Variants in MRPS16 observed in about 807,000 individuals in gnomAD.
The protein encoded by MRPS16 is small ribosomal subunit protein bS16m.
Under a neutral mutation model 11.0 loss-of-function variants are expected in MRPS16, and 5 were observed. The observed-to-expected ratio is 0.46, with a 90% CI of 0.24 to 0.96. The LOEUF (loss-of-function observed/expected upper bound fraction) is 0.96. Ranked by LOEUF, MRPS16 falls within the 40% of genes least tolerant of loss-of-function variation. The pLI is 0.20. For synonymous variants in MRPS16, 76 were observed against 65.0 expected, an observed-to-expected ratio of 1.17 and a Z score of -0.81; for missense variants, 179 against 174.4, an observed-to-expected ratio of 1.03 and a Z score of -0.15.
Position 73,250,710 on chromosome 10 carries a change from G to T in MRPS16, c.*142C>A. 9.0e-7 allele frequency: 1 copy of T among 1,110,396 alleles called. No homozygotes were observed. The highest frequency in any genetic ancestry group is 1.4e-6 in the Non-Finnish European group (1 of 739,362). The allele number at this position is 1,110,396 out of a possible 1,614,324, so 68.8% of individuals were successfully genotyped here. ...AAGAACAAATCTCTCCCTGGGCCCT[G>T]TGCAGGCCAGGCCAGAAGAGCAAGG... is the stretch of plus-strand genomic sequence containing the variant. On this transcript the variant is annotated 3_prime_UTR_variant, in exon 3 of 3. Coordinates refer to ENST00000372945, the MANE Select transcript of MRPS16 (RefSeq NM_016065.4).
At chr10:73,252,152 G>T in intron 1 of MRPS16, 129 bp from the exon 2 acceptor site, 1 of 1,390,986 alleles carries the variant, frequency 7.2e-7, no homozygotes, top group Non-Finnish European at 9.9e-7. Flanking sequence ...CAGTTTAGAT[G>T]CTACTCTTCT....
rs777576361 is a variant in MRPS16, at chr10:73,250,805, G to A, written c.*47C>T. ...TTAAGATCGCTGCAGTGTTTCAAAAGGACCTTGACCTTGTTCCCACTGCTA... is the reference window on the plus strand; with the variant it reads ...TTAAGATCGCTGCAGTGTTTCAAAAAGACCTTGACCTTGTTCCCACTGCTA... On this transcript the variant is annotated 3_prime_UTR_variant, in exon 3 of 3. Transcript: ENST00000372945. The A allele has an allele frequency of 1.2e-6, 2 of 1,608,198 alleles. No homozygotes were observed. The highest frequency in any genetic ancestry group is 2.7e-5 in the African/African-American group (2 of 74,808).
intron 2 of MRPS16, among the ~76,000 whole-genome samples, chr10:73,251,554 T>C (rs1051194736): frequency 2.0e-5 from 3 of 150,124 alleles, no homozygotes; most frequent in Non-Finnish European, 4.4e-5. Flanking sequence ...TTTTTTTTTT[T>C]ATTTTTAGTA....
chr10:73,252,342 T>C lies in MRPS16; in HGVS notation c.13+128A>G, dbSNP rs1008457501. On this transcript the variant is annotated intron_variant, in intron 1 of 2. Coordinates refer to ENST00000372945, the MANE Select transcript of MRPS16 (RefSeq NM_016065.4). ...GGAAAAAACTGAGAGAAGGATCAAA[T>C]GTAAGGCAGTGTGGCTGCTTCAGGT... 1.4e-5 allele frequency: 19 copies of C among 1,352,408 alleles called. No homozygotes were observed. The Admixed American group carries it at 3.4e-4, about 24-fold the overall frequency. 83.8% of individuals were successfully genotyped at this position (1,352,408 alleles called of 1,614,324 possible).
At chr10:73,251,440 A>C (rs965073125) in intron 2 of MRPS16, among the ~76,000 whole-genome samples, 5 of 151,602 alleles carry the variant, frequency 3.3e-5, no homozygotes, top group African/African-American at 1.2e-4. Flanking sequence ...CAGTGACGCG[A>C]TCTTGGCTCA....
In MRPS16 at chr10:73,252,184, G is replaced by A. The variant is rs2271907; in HGVS notation, c.14-161C>T. 27 of 1,211,268 alleles carry A rather than the reference G, an allele frequency of 2.2e-5. No individual in the cohort carries two copies. In the African/African-American group the frequency reaches 3.6e-4, roughly 16 times the overall value. 75.0% of individuals were successfully genotyped at this position (1,211,268 alleles called of 1,614,324 possible). A position where few individuals can be genotyped will look rare whatever the true frequency, so the allele number is the denominator to read the frequency against. ...TTCTTTGTGAAACCCCTCTTGGCCA[G>A]TCCAGCCAGCAATGACCTCCTCCTC... On this transcript the variant is annotated intron_variant, in intron 1 of 2. Coordinates refer to ENST00000372945, the MANE Select transcript of MRPS16 (RefSeq NM_016065.4).
chr10:73,250,652 T>G lies in MRPS16; in HGVS notation c.*200A>C. ...ATCCCAAGACAAAGTCGAAAAAAGC[T>G]AATTAGTACCCACACCCAGCTCTAA... On this transcript the variant is annotated 3_prime_UTR_variant, in exon 3 of 3. Coordinates refer to ENST00000372945, the MANE Select transcript of MRPS16 (RefSeq NM_016065.4). 1 of 662,566 alleles carries G rather than the reference T, an allele frequency of 1.5e-6. No homozygotes were observed. The highest frequency in any genetic ancestry group is 2.6e-6 in the Non-Finnish European group (1 of 390,006). The allele number at this position is 662,566 out of a possible 1,614,324, so 41.0% of individuals were successfully genotyped here. A position where few individuals can be genotyped will look rare whatever the true frequency, so the allele number is the denominator to read the frequency against.
Position 73,249,413 on chromosome 10 carries a change from TGGCATCAA to T in MRPS16, c.*1431_*1438del. ...ACTATAAAGATCCCTTATAGATTAC[TGGCATCAA>T]GGTAGGAAGGAAAAGATACAAGAAG... On this transcript the variant is annotated 3_prime_UTR_variant, in exon 3 of 3. Transcript: ENST00000372945. The T allele has an allele frequency of 3.2e-6, 4 of 1,246,196 alleles. No individual in the cohort carries two copies. The highest frequency in any genetic ancestry group is 2.2e-6 in the Non-Finnish European group (2 of 889,796). 77.2% of individuals were successfully genotyped at this position (1,246,196 alleles called of 1,614,324 possible). A position where few individuals can be genotyped will look rare whatever the true frequency, so the allele number is the denominator to read the frequency against.
chr10:73,249,206 C>A lies in MRPS16; in HGVS notation c.*1646G>T. ...GTGCTGAGATTACAGGTGTGAGCCA[C>A]TGCCCCAATGGTATCTTTATATTAT... On this transcript the variant is annotated 3_prime_UTR_variant, in exon 3 of 3. Transcript: ENST00000372945. 7.2e-7 allele frequency: 1 copy of A among 1,387,284 alleles called. No homozygotes were observed. The highest frequency in any genetic ancestry group is 1.0e-6 in the Non-Finnish European group (1 of 1,003,232). 85.9% of individuals were successfully genotyped at this position (1,387,284 alleles called of 1,614,324 possible). A position where few individuals can be genotyped will look rare whatever the true frequency, so the allele number is the denominator to read the frequency against.
intron 1 of MRPS16, chr10:73,252,231 G>T: frequency 9.9e-7 from 1 of 1,007,978 alleles, no homozygotes; most frequent in Non-Finnish European, 1.5e-6. Flanking sequence ...CACCCCGCAT[G>T]GGCTTGCCAT....
In MRPS16 at chr10:73,252,640, C is replaced by T. The variant is rs553595766; in HGVS notation, c.-158G>A. ...AGCCCGAAAACCTCGACTCCGGAAGCGGATGATCCGCTCGCCACGCCTCCT... is the reference window on the plus strand; with the variant it reads ...AGCCCGAAAACCTCGACTCCGGAAGTGGATGATCCGCTCGCCACGCCTCCT... On this transcript the variant is annotated 5_prime_UTR_variant, in exon 1 of 3. Transcript: ENST00000372945. The T allele has an allele frequency of 5.4e-5, 55 of 1,023,140 alleles. No homozygotes were observed. In the African/African-American group the frequency reaches 8.0e-4, roughly 15 times the overall value. The allele number at this position is 1,023,140 out of a possible 1,614,324, so 63.4% of individuals were successfully genotyped here.
intron 2 of MRPS16, 94 bp from the exon 3 acceptor site, chr10:73,251,085 C>T: frequency 6.9e-7 from 1 of 1,451,946 alleles, no homozygotes; most frequent in Non-Finnish European, 9.6e-7. Flanking sequence ...TGAGATCTGA[C>T]CCAGTGCATG....
At position 73,250,133 on chromosome 10, in the gene MRPS16, T is replaced by A. The variant is rs2044067370; in HGVS notation, c.*719A>T. The A allele has an allele frequency of 1.3e-5, 2 of 150,024 alleles. No homozygotes were observed. Among genetic ancestry groups the A allele is most frequent in the Admixed American group, 1.3e-4 (2 of 15,028 alleles). The allele number at this position is 150,024 out of a possible 1,614,324, so 9.3% of individuals were successfully genotyped here. A position where few individuals can be genotyped will look rare whatever the true frequency, so the allele number is the denominator to read the frequency against. ...TACTCGGGAGGCTGAAGCAGGAGAA[T>A]GGCATGAACCCAGGAGACAGAGCTT... is the stretch of plus-strand genomic sequence containing the variant. On this transcript the variant is annotated 3_prime_UTR_variant, in exon 3 of 3. Coordinates refer to ENST00000372945, the MANE Select transcript of MRPS16 (RefSeq NM_016065.4).
rs2044116774 is a variant in MRPS16 at position 73,252,036 on chromosome 10, A to C, written c.14-13T>G. On this transcript the variant is annotated splice_polypyrimidine_tract_variant and intron_variant, in intron 1 of 2. Coordinates refer to ENST00000372945, the MANE Select transcript of MRPS16 (RefSeq NM_016065.4). ...CAGAGGAGAGTAGCTGTAGAAAAGC[A>C]GCTGGTTAGGACACAAAAAACAGCA... The C allele has an allele frequency of 6.2e-7, 1 of 1,610,786 alleles. No individual in the cohort carries two copies. The highest frequency in any genetic ancestry group is 1.3e-5 in the African/African-American group (1 of 74,812).
Position 73,251,829 on chromosome 10 carries a change from G to C in MRPS16, c.208C>G (p.Leu70Val), listed in dbSNP as rs1316287347. Residue 70 changes from leucine to valine, a missense_variant, in exon 2 of 3, where the codon CTA becomes GTA. Leu to Val is a conservative substitution (Grantham distance 32). Coordinates refer to ENST00000372945, the MANE Select transcript of MRPS16 (RefSeq NM_016065.4). ...CCAATCCAATGACGGATCCTGTCTA[G>C]GTTGAGGGCAACGAGTTTTTCTCCA... ...SHGEKLVALNLDRIRHWIGCG... is the reference protein window; with the variant it reads ...SHGEKLVALNVDRIRHWIGCG... The C allele has an allele frequency of 1.9e-6, 3 of 1,614,244 alleles. No homozygotes were observed. In the South Asian group the frequency reaches 3.3e-5, roughly 18 times the overall value.
Position 73,249,323 on chromosome 10 carries a change from G to A in MRPS16, c.*1529C>T. On this transcript the variant is annotated 3_prime_UTR_variant, in exon 3 of 3. Transcript: ENST00000372945. ...ACACATGGGAATACTTGAGACCTAA[G>A]AATGGTTGTGAGTCAAATAAAAAAG... The A allele has an allele frequency of 6.5e-7, 1 of 1,549,024 alleles. No homozygotes were observed. Among genetic ancestry groups the A allele is most frequent in the Non-Finnish European group, 8.7e-7 (1 of 1,146,172 alleles).
At position 73,249,322 on chromosome 10, in the gene MRPS16, A is replaced by C; in HGVS notation, c.*1530T>G. 1 of 1,549,412 alleles carries C rather than the reference A, an allele frequency of 6.5e-7. No homozygotes were observed. On this transcript the variant is annotated 3_prime_UTR_variant, in exon 3 of 3. Coordinates refer to ENST00000372945, the MANE Select transcript of MRPS16 (RefSeq NM_016065.4). Reference sequence around the variant, plus strand: ...AACACATGGGAATACTTGAGACCTAAGAATGGTTGTGAGTCAAATAAAAAA... The same window carrying C: ...AACACATGGGAATACTTGAGACCTACGAATGGTTGTGAGTCAAATAAAAAA...
At position 73,251,993 on chromosome 10, in the gene MRPS16, C is replaced by G; in HGVS notation, c.44G>C (p.Gly15Ala). 6.2e-7 allele frequency: 1 copy of G among 1,614,058 alleles called. No homozygotes were observed. The highest frequency in any genetic ancestry group is 1.1e-5 in the South Asian group (1 of 91,068). ...TTLLCKAYRGGHLTIRLALGG... is the reference protein window; with the variant it reads ...TTLLCKAYRGAHLTIRLALGG... ...CAGGGCAAGGCGGATGGTTAAGTGG[C>G]CCCCACGGTAGGCCTTGCAGAGGAG... is the stretch of plus-strand genomic sequence containing the variant. Residue 15 changes from glycine (G) to alanine (A), a missense_variant, in exon 2 of 3, where the codon GGC becomes GCC. Physicochemically the swap from Gly to Ala is moderately conservative, Grantham distance 60. Transcript: ENST00000372945.
intron 2 of MRPS16, among the ~76,000 whole-genome samples, chr10:73,251,289 A>G (rs74147513): frequency 6.6e-6 from 1 of 152,334 alleles, no homozygotes; most frequent in African/African-American, 2.4e-5. Flanking sequence ...GGAGTCCACA[A>G]AAGGGGCCTC....
Sources: gnomAD v4.1 joint callset for allele counts (sites outside exome capture counted in the v4.1 genomes callset) on GRCh38, gnomAD v4.1.1 for gene constraint, MANE v1.5 for transcripts, NCBI Gene and HGNC (gene_info 2026-07-23, HGNC 2026-07-21) for gene names.